CNTN6: variants seen among roughly 807,000 people sequenced by gnomAD.
CNTN6 encodes contactin 6.
Under a neutral mutation model 122.8 loss-of-function variants are expected in CNTN6, and 137 were observed. The observed-to-expected ratio is 1.12, with a 90% CI of 0.97 to 1.29. The LOEUF (loss-of-function observed/expected upper bound fraction) is 1.29. Among genes scored for constraint, CNTN6 ranks in the 50% most tolerant of loss-of-function variants. CNTN6 has a pLI of 0.00. For synonymous variants in CNTN6, 570 were observed against 426.0 expected (o/e 1.34, Z -4.16); for missense variants, 1,634 against 1,223.4 (o/e 1.34, Z -5.01).
intron 1 of CNTN6, among the ~76,000 whole-genome samples, chr3:1,107,938 C>G (rs186927385): frequency 2.0e-5 from 3 of 152,130 alleles, no homozygotes; most frequent in East Asian, 3.9e-4. Context: ...CCAAAAGTTA[C>G]CTCCATCTGA....
At chr3:1,250,246 A>G (rs2094642541) in intron 4 of CNTN6, among the ~76,000 whole-genome samples, 1 of 152,216 alleles carries the variant, frequency 6.6e-6, no homozygotes, top group South Asian at 2.1e-4. Context: ...TCTAATGGAC[A>G]ACAGAAATCA....
intron 2 of CNTN6, among the ~76,000 whole-genome samples, chr3:1,201,099 TTGTGTGTGTGTGTGTGTGTGTGTGTG>T (rs57028088): frequency 5.4e-5 from 7 of 130,020 alleles, no homozygotes; most frequent in Admixed American, 1.5e-4. Flanking sequence ...AGCTAACATT[TTGTGTGTGTGTGTGTGTGTGTGTGTG>T]TGTGTGTGTG....
At chr3:1,106,523 C>A (rs1354753245) in intron 1 of CNTN6, among the ~76,000 whole-genome samples, 3 of 110,890 alleles carry the variant, frequency 2.7e-5, no homozygotes, top group East Asian at 2.0e-4. Context: ...GTCTGTAATA[C>A]ACACACACAC....
intron 1 of CNTN6, among the ~76,000 whole-genome samples, chr3:1,141,667 A>G (rs2092611133): frequency 6.6e-6 from 1 of 152,328 alleles, no homozygotes; most frequent in African/African-American, 2.4e-5. Flanking sequence ...GTATTAATGC[A>G]CATAATTCTC....
At chr3:1,150,770 A>C (rs2092823305) in intron 2 of CNTN6, among the ~76,000 whole-genome samples, 1 of 152,196 alleles carries the variant, frequency 6.6e-6, no homozygotes, top group Admixed American at 6.5e-5. Context: ...TGATACAGTA[A>C]AGTGGATTTT....
chr3:1,370,129 C>CAA (rs201261410), intron 12 of CNTN6, among the ~76,000 whole-genome samples: 1 of 150,336 alleles, frequency 6.7e-6, no homozygotes, highest in African/African-American at 2.4e-5. Flanking sequence ...CAATAAGATC[C>CAA]AAAAAAAAGA....
intron 5 of CNTN6, among the ~76,000 whole-genome samples, chr3:1,287,930 C>A (rs1175923327): frequency 1.3e-5 from 2 of 152,176 alleles, no homozygotes; most frequent in Admixed American, 6.5e-5. Context: ...ACGAAAATAG[C>A]CAGCTCTGAA....
chr3:1,172,881 C>T (rs2093384001), intron 2 of CNTN6, among the ~76,000 whole-genome samples: 1 of 152,168 alleles, frequency 6.6e-6, no homozygotes, highest in Non-Finnish European at 1.5e-5. Flanking sequence ...GTCTGCTAGT[C>T]TGTTGGTGTC....
intron 1 of CNTN6, among the ~76,000 whole-genome samples, chr3:1,142,968 G>GTGTATATATATATATA (rs1217250181): frequency 4.7e-5 from 6 of 128,654 alleles, no homozygotes; most frequent in African/African-American, 1.2e-4. Flanking sequence ...GTGTGTGTGT[G>GTGTATATATATATATA]TATATATATA....
chr3:1,226,369 T>C (rs2094284187), intron 3 of CNTN6, among the ~76,000 whole-genome samples: 1 of 152,096 alleles, frequency 6.6e-6, no homozygotes, highest in East Asian at 1.9e-4. Context: ...ATGACTGTGA[T>C]GGGGTTCAGG....
chr3:1,343,010 C>T (rs142024572), intron 11 of CNTN6, among the ~76,000 whole-genome samples: 167 of 152,160 alleles, frequency 1.1e-3, no homozygotes, highest in African/African-American at 3.3e-3. Context: ...AGAGTGAGAC[C>T]GGACACCTCC....
chr3:1,183,783 G>C, intron 2 of CNTN6, among the ~76,000 whole-genome samples: 1 of 152,082 alleles, frequency 6.6e-6, no homozygotes, highest in East Asian at 1.9e-4. Flanking sequence ...CCTTTTCTGT[G>C]AGTCAGTAGT....
chr3:1,125,123 G>A (rs973587238), intron 1 of CNTN6, among the ~76,000 whole-genome samples: 1 of 151,968 alleles, frequency 6.6e-6, no homozygotes, highest in African/African-American at 2.4e-5. Context: ...TGTTTTATGT[G>A]TGTACACCTC....
intron 4 of CNTN6, among the ~76,000 whole-genome samples, chr3:1,262,758 T>A (rs2094867165): frequency 6.6e-6 from 1 of 152,126 alleles, no homozygotes; most frequent in South Asian, 2.1e-4. Context: ...GCAAGTTTTT[T>A]GAACATTTCT....
chr3:1,128,616 T>A (rs11919769), intron 1 of CNTN6, among the ~76,000 whole-genome samples: 1 of 151,746 alleles, frequency 6.6e-6, no homozygotes, highest in East Asian at 1.9e-4. Flanking sequence ...GATCATTGAG[T>A]TTAGAAACTA....
At chr3:1,140,236 T>C (rs2092577974) in intron 1 of CNTN6, among the ~76,000 whole-genome samples, 1 of 152,126 alleles carries the variant, frequency 6.6e-6, no homozygotes, top group Non-Finnish European at 1.5e-5. Context: ...TTTATATAAA[T>C]ACAAAGAGCA....
At chr3:1,172,810 T>A (rs192725136) in intron 2 of CNTN6, among the ~76,000 whole-genome samples, 1 of 152,234 alleles carries the variant, frequency 6.6e-6, no homozygotes, top group Non-Finnish European at 1.5e-5. Flanking sequence ...GTTCTATCTA[T>A]AGCCCTGTCA....
chr3:1,237,540 G>A (rs1036507733), intron 4 of CNTN6, among the ~76,000 whole-genome samples: 2 of 152,070 alleles, frequency 1.3e-5, no homozygotes, highest in Admixed American at 6.5e-5. Context: ...AATACAAGAA[G>A]CTCAAAGAAC....
chr3:1,245,311 T>TATATATATATAAC (rs2094565175), intron 4 of CNTN6, among the ~76,000 whole-genome samples: 1 of 17,606 alleles, frequency 5.7e-5, no homozygotes, highest in Non-Finnish European at 1.1e-4. Context: ...TATATATATA[T>TATATATATATAAC]ATATATATAT....
Sources: gnomAD v4.1 joint callset for allele counts (sites outside exome capture counted in the v4.1 genomes callset) on GRCh38, gnomAD v4.1.1 for gene constraint, MANE v1.5 for transcripts, NCBI Gene and HGNC (gene_info 2026-07-23, HGNC 2026-07-21) for gene names.